The following ABHD12 variants were observed in gnomAD, a reference collection of about 807,000 sequenced individuals.
ABHD12 encodes the protein lysophosphatidylserine lipase ABHD12.
A neutral mutation model predicts 58.3 loss-of-function variants in ABHD12; 43 were observed. That is an observed-to-expected ratio of 0.74 (90% CI 0.58 to 0.95). The LOEUF (loss-of-function observed/expected upper bound fraction) is 0.95, where lower values mean the gene tolerates loss of function less well. Among genes scored for constraint, ABHD12 ranks in the 40% least tolerant of loss-of-function variants. ABHD12 has a pLI of 0.00. For synonymous variants in ABHD12, 219 were observed against 211.2 expected (o/e 1.04, Z -0.32); for missense variants, 539 against 537.2 (o/e 1.00, Z -0.03).
intron 12 of ABHD12, chr20:25,295,133 G>T: frequency 7.9e-7 from 1 of 1,272,372 alleles, no homozygotes; most frequent in Non-Finnish European, 1.1e-6. Context: ...TCATAAATCT[G>T]GCATTTTTGT....
At chr20:25,369,630 G>A (rs2089871976) in intron 1 of ABHD12, among the ~76,000 whole-genome samples, 1 of 152,222 alleles carries the variant, frequency 6.6e-6, no homozygotes, top group South Asian at 2.1e-4. Flanking sequence ...CCGCGTCTCA[G>A]TTCAAGAGGG....
intron 1 of ABHD12, among the ~76,000 whole-genome samples, chr20:25,381,787 A>T (rs2090025489): frequency 6.6e-6 from 1 of 151,890 alleles, no homozygotes; most frequent in African/African-American, 2.4e-5. Flanking sequence ...ATAATCCCTC[A>T]CCTGGGATTA....
chr20:25,299,667 A>G (rs1479609558), downstream of ABHD12, among the ~76,000 whole-genome samples: 7 of 152,094 alleles, frequency 4.6e-5, no homozygotes, highest in Non-Finnish European at 1.0e-4. Flanking sequence ...AGGGGTTCCT[A>G]TAGCCTCACA....
At chr20:25,368,766 T>C in intron 1 of ABHD12, 1 of 902,108 alleles carries the variant, frequency 1.1e-6, no homozygotes, top group Non-Finnish European at 1.8e-6. Flanking sequence ...GGGTTGACCA[T>C]GGCTGATAGT....
downstream of ABHD12, chr20:25,297,890 T>G (rs1477978334): frequency 6.6e-6 from 1 of 152,308 alleles, no homozygotes; most frequent in Non-Finnish European, 1.5e-5. Flanking sequence ...AGCGGCTCTG[T>G]GGAGGAGGCC....
rs548551066 is a variant in ABHD12, at chr20:25,312,828, G to A, written c.619+2097C>T. On this transcript the variant is annotated intron_variant, in intron 6 of 12. Transcript: ENST00000339157. Reference sequence around the variant, plus strand: ...ATGTGAGGAGCGCCTCTGCCCGGCCGCGACCCCGTCTGGGAGGTGAGGAGC... The same window carrying A: ...ATGTGAGGAGCGCCTCTGCCCGGCCACGACCCCGTCTGGGAGGTGAGGAGC... Among the ~76,000 whole-genome samples the A allele has an allele frequency of 7.3e-3, 1,112 of 151,522 alleles. 6 individuals are homozygous for A. Among genetic ancestry groups the A allele is most frequent in the African/African-American group, 0.024 (998 of 41,248 alleles).
At position 25,322,381 on chromosome 20, in the gene ABHD12, A is replaced by ATATATATATATATATATTTTTTT; in HGVS notation, c.422+943_422+944insAAAAAAATATATATATATATATA. On this transcript the variant is annotated intron_variant, in intron 3 of 12. Transcript: ENST00000339157. ...GGAAAAGATATATATATATATATAT[A>ATATATATATATATATATTTTTTT]TTTTTTTTTTTTTTTGAGACAAGAG... 3.7e-4 allele frequency among the ~76,000 whole-genome samples: 22 copies of ATATATATATATATATATTTTTTT among 59,238 alleles called. 1 individual carries two copies. Among genetic ancestry groups the ATATATATATATATATATTTTTTT allele is most frequent in the South Asian group, 5.8e-4 (1 of 1,722 alleles). 38.9% of individuals were successfully genotyped at this position (59,238 alleles called of 152,430 possible). A position where few individuals can be genotyped will look rare whatever the true frequency, so the allele number is the denominator to read the frequency against.
intron 4 of ABHD12, 45 bp from the exon 5 acceptor site, chr20:25,317,123 T>C (rs761779023): frequency 5.9e-6 from 9 of 1,536,442 alleles, no homozygotes; most frequent in Non-Finnish European, 7.2e-6. Flanking sequence ...CTTCTCAGAG[T>C]TGGGCCCCAG....
intron 1 of ABHD12, chr20:25,368,450 G>A: frequency 2.5e-6 from 4 of 1,595,964 alleles, no homozygotes; most frequent in Non-Finnish European, 3.4e-6. Flanking sequence ...GGAACCGTTT[G>A]TGTTGGGTCC....
At chr20:25,346,996 G>C (rs2089528469) in intron 1 of ABHD12, among the ~76,000 whole-genome samples, 1 of 152,270 alleles carries the variant, frequency 6.6e-6, no homozygotes, top group Non-Finnish European at 1.5e-5. Context: ...ACTCATAGCT[G>C]TCAAGTGTCT....
intron 3 of ABHD12, among the ~76,000 whole-genome samples, chr20:25,322,373 ATATATATATT>A (rs2089084664): frequency 2.1e-5 from 1 of 47,242 alleles, no homozygotes. Flanking sequence ...ATATATATAT[ATATATATATT>A]TTTTTTTTTT....
downstream of ABHD12, among the ~76,000 whole-genome samples, chr20:25,295,224 G>A (rs1175167844): frequency 2.0e-5 from 3 of 152,246 alleles, no homozygotes; most frequent in African/African-American, 4.8e-5. Context: ...TGGAGATGCC[G>A]TTCCCCAGCA....
chr20:25,356,369 T>C (rs2089668503), intron 1 of ABHD12, among the ~76,000 whole-genome samples: 1 of 152,258 alleles, frequency 6.6e-6, no homozygotes, highest in Non-Finnish European at 1.5e-5. Flanking sequence ...GCCACCTGTC[T>C]GCTTTCAGAG....
chr20:25,320,393 T>A, intron 3 of ABHD12, 75 bp from the exon 4 acceptor site: 1 of 1,596,906 alleles, frequency 6.3e-7, no homozygotes, highest in South Asian at 1.1e-5. Flanking sequence ...CACGTGGTGT[T>A]ACTTAATCAG....
At chr20:25,309,282 T>C (rs927262806) in intron 7 of ABHD12, among the ~76,000 whole-genome samples, 164 bp downstream of exon 7, 3 of 152,114 alleles carry the variant, frequency 2.0e-5, no homozygotes, top group Admixed American at 6.5e-5. Context: ...TGGAGTCTCT[T>C]TGTAACTTCC....
chr20:25,385,077 C>T (rs1004403830), intron 1 of ABHD12, among the ~76,000 whole-genome samples: 1 of 152,100 alleles, frequency 6.6e-6, no homozygotes, highest in African/African-American at 2.4e-5. Flanking sequence ...GTGGCTCACG[C>T]CTGTAATCCC....
rs566046493 is a variant in ABHD12, at chr20:25,300,832, C to T, written c.*13G>A. On this transcript the variant is annotated 3_prime_UTR_variant, in exon 13 of 13. Coordinates refer to ENST00000339157, the MANE Select transcript of ABHD12 (RefSeq NM_001042472.3). ...AGGGCAGAGGTCTTCATGCTTCCTTCCCACGGCCAGGCTCAGTGCTGGTGC... is the reference window on the plus strand; with the variant it reads ...AGGGCAGAGGTCTTCATGCTTCCTTTCCACGGCCAGGCTCAGTGCTGGTGC... 2 of 1,614,084 alleles carry T rather than the reference C, an allele frequency of 1.2e-6. No homozygotes were observed. Among genetic ancestry groups the T allele is most frequent in the Middle Eastern group, 1.7e-4 (1 of 6,060 alleles).
intron 1 of ABHD12, among the ~76,000 whole-genome samples, chr20:25,376,111 G>A (rs184261493): frequency 2.0e-5 from 3 of 152,132 alleles, no homozygotes; most frequent in East Asian, 3.9e-4. Context: ...GACAGAGTGA[G>A]ACTCTGTCTC....
rs73345073 is a variant in ABHD12 at position 25,329,618 on chromosome 20, T to C, written c.317-6188A>G. On this transcript the variant is annotated intron_variant, in intron 2 of 12. Transcript: ENST00000339157. ...TACTTCTTTTAGCTCACCTGCAAAATATTTGTTGCGGGAAAGGCTGAAACT... is the reference window on the plus strand; with the variant it reads ...TACTTCTTTTAGCTCACCTGCAAAACATTTGTTGCGGGAAAGGCTGAAACT... 6.6e-3 allele frequency among the ~76,000 whole-genome samples: 1,003 copies of C among 152,284 alleles called. 16 individuals are homozygous for C. The highest frequency in any genetic ancestry group is 0.023 in the African/African-American group (961 of 41,562).
Sources: gnomAD v4.1 joint callset for allele counts (sites outside exome capture counted in the v4.1 genomes callset) on GRCh38, gnomAD v4.1.1 for gene constraint, MANE v1.5 for transcripts, NCBI Gene and HGNC (gene_info 2026-07-23, HGNC 2026-07-21) for gene names.